CSNK1G1: variants seen among roughly 807,000 people sequenced by gnomAD.
CSNK1G1 encodes the protein casein kinase 1 gamma 1.
CSNK1G1 carries 22 observed loss-of-function variants against 59.6 expected under a neutral mutation model. That is an observed-to-expected ratio of 0.37 (90% CI 0.26 to 0.53). The LOEUF is 0.53. CSNK1G1 is among the 20% of genes least tolerant of loss of function. CSNK1G1 has a pLI of 0.89. For synonymous variants in CSNK1G1, 179 were observed against 177.1 expected (o/e 1.01, Z -0.08); for missense variants, 384 against 519.5 (o/e 0.74, Z 2.54).
chr15:64,266,134 C>T (rs1174794095), intron 2 of CSNK1G1, among the ~76,000 whole-genome samples: 1 of 152,004 alleles, frequency 6.6e-6, no homozygotes, highest in Non-Finnish European at 1.5e-5. Context: ...ACGATCTCGG[C>T]TCAATGCAAA....
chr15:64,276,085 G>T (rs1395465256), intron 2 of CSNK1G1, among the ~76,000 whole-genome samples: 1 of 152,150 alleles, frequency 6.6e-6, no homozygotes, highest in Non-Finnish European at 1.5e-5. Flanking sequence ...GTGAGGCTAC[G>T]TGGAGTGAGG....
Position 64,300,171 on chromosome 15 carries a change from T to C in CSNK1G1, c.181+148A>G, listed in dbSNP as rs1895249665. 3.5e-5 allele frequency: 25 copies of C among 709,934 alleles called. No individual in the cohort carries two copies. In the South Asian group the frequency reaches 4.0e-4, roughly 11 times the overall value. 44.0% of individuals were successfully genotyped at this position (709,934 alleles called of 1,614,324 possible). A position where few individuals can be genotyped will look rare whatever the true frequency, so the allele number is the denominator to read the frequency against. Reference sequence around the variant, plus strand: ...GATAACAAATAATTGATAATGACTATAGTGCCCCTTCACAAATTATTTCTT... The same window carrying C: ...GATAACAAATAATTGATAATGACTACAGTGCCCCTTCACAAATTATTTCTT... On this transcript the variant is annotated intron_variant, in intron 2 of 11. Transcript: ENST00000303052.
At chr15:64,282,427 G>A (rs1175433601) in intron 2 of CSNK1G1, among the ~76,000 whole-genome samples, 6 of 151,920 alleles carry the variant, frequency 3.9e-5, no homozygotes, top group Non-Finnish European at 7.4e-5. Flanking sequence ...ACCATGCCTG[G>A]TTAATTTTTA....
chr15:64,239,102 A>T (rs1045217972), intron 4 of CSNK1G1, among the ~76,000 whole-genome samples: 2 of 152,184 alleles, frequency 1.3e-5, no homozygotes, highest in African/African-American at 4.8e-5. Flanking sequence ...CAGATTCATC[A>T]CACTCTTCCC....
In CSNK1G1 at chr15:64,165,894, T is replaced by C; in HGVS notation, c.*6037A>G. 1 of 506,470 alleles carries C rather than the reference T, an allele frequency of 2.0e-6. No individual in the cohort carries two copies. The highest frequency in any genetic ancestry group is 3.5e-6 in the Non-Finnish European group (1 of 287,508). The allele number at this position is 506,470 out of a possible 1,614,324, so 31.4% of individuals were successfully genotyped here. On this transcript the variant is annotated 3_prime_UTR_variant, in exon 12 of 12. Transcript: ENST00000303052. ...CTGAGATCACATATCAGAACCCATT[T>C]TCCATTTTCTCCAAAGAAGGCTACT...
At chr15:64,333,925 G>C (rs1897247320) in intron 1 of CSNK1G1, among the ~76,000 whole-genome samples, 1 of 152,024 alleles carries the variant, frequency 6.6e-6, no homozygotes, top group African/African-American at 2.4e-5. Flanking sequence ...CCTAAGAAAA[G>C]ACAGAGACAG....
In CSNK1G1 at chr15:64,322,351, C is replaced by CT. The variant is rs1033331079; in HGVS notation, c.-224-21629dup. Among the ~76,000 whole-genome samples, 5 of 149,454 alleles carry CT rather than the reference C, an allele frequency of 3.3e-5. No individual in the cohort carries two copies. The East Asian group carries it at 6.0e-4, about 18-fold the overall frequency. On this transcript the variant is annotated intron_variant, in intron 1 of 11. Coordinates refer to ENST00000303052, the MANE Select transcript of CSNK1G1 (RefSeq NM_022048.5). ...GCAAAACAAGTTTTCTTTTCTCTCT[C>CT]TTTTTTTTTTAAATACAGACACGGT...
rs528353731 is a variant in CSNK1G1, at chr15:64,287,362, G to T, written c.181+12957C>A. Among the ~76,000 whole-genome samples, 5 of 152,168 alleles carry T rather than the reference G, an allele frequency of 3.3e-5. No individual in the cohort carries two copies. In the South Asian group the frequency reaches 1.0e-3, roughly 32 times the overall value. Reference sequence around the variant, plus strand: ...TACCATAAACTTTTGGGAAGCCTGGGACCATTCTTGTCTCATTCTAAACTT... The same window carrying T: ...TACCATAAACTTTTGGGAAGCCTGGTACCATTCTTGTCTCATTCTAAACTT... On this transcript the variant is annotated intron_variant, in intron 2 of 11. Coordinates refer to ENST00000303052, the MANE Select transcript of CSNK1G1 (RefSeq NM_022048.5).
chr15:64,239,005 G>A (rs752781554), intron 4 of CSNK1G1, among the ~76,000 whole-genome samples: 1 of 152,104 alleles, frequency 6.6e-6, no homozygotes, highest in African/African-American at 2.4e-5. Context: ...CTATACCCTA[G>A]GCCACTAAGG....
intron 3 of CSNK1G1, among the ~76,000 whole-genome samples, chr15:64,256,282 C>T (rs561714507): frequency 6.6e-6 from 1 of 152,262 alleles, no homozygotes; most frequent in South Asian, 2.1e-4. Context: ...TTTTAAAAAC[C>T]ACACATCCTT....
chr15:64,269,433 T>C (rs1387773547), intron 2 of CSNK1G1, among the ~76,000 whole-genome samples: 2 of 152,072 alleles, frequency 1.3e-5, no homozygotes, highest in South Asian at 4.1e-4. Context: ...AATTTATGTA[T>C]CCCTTCTAGG....
At position 64,300,335 on chromosome 15, in the gene CSNK1G1, G is replaced by A. The variant is rs762721143; in HGVS notation, c.165C>T (p.Phe55=). Residue 55 remains phenylalanine, a synonymous_variant, in exon 2 of 12, where the codon TTC becomes TTT. Coordinates refer to ENST00000303052, the MANE Select transcript of CSNK1G1 (RefSeq NM_022048.5). ...AGTGCTTACCTAATCTGAGCTCTCC[G>A]AAGTTCCCACATCCTATCTTCTTGC... ...RVGKKIGCGN[F]GELRLGKNLY... 5.0e-6 allele frequency: 8 copies of A among 1,613,970 alleles called. No individual in the cohort carries two copies. The African/African-American group carries it at 6.7e-5, about 13-fold the overall frequency.
At chr15:64,259,266 G>GT in intron 2 of CSNK1G1, 25 bp from the exon 3 acceptor site, 1 of 1,553,882 alleles carries the variant, frequency 6.4e-7, no homozygotes, top group Non-Finnish European at 8.8e-7. Flanking sequence ...GAATGTATAT[G>GT]TTTTAGTGAC....
chr15:64,307,256 G>C (rs948611634), intron 1 of CSNK1G1, among the ~76,000 whole-genome samples: 4 of 151,478 alleles, frequency 2.6e-5, no homozygotes, highest in African/African-American at 9.7e-5. Context: ...GGGGGATATA[G>C]GGGAACTCTG....
At position 64,166,624 on chromosome 15, in the gene CSNK1G1, T is replaced by C. The variant is rs1317424723; in HGVS notation, c.*5307A>G. 2.0e-5 allele frequency: 3 copies of C among 152,714 alleles called. No individual in the cohort carries two copies. Among genetic ancestry groups the C allele is most frequent in the African/African-American group, 7.2e-5 (3 of 41,452 alleles). The allele number at this position is 152,714 out of a possible 1,614,324, so 9.5% of individuals were successfully genotyped here. ...GTAAATATATTTCTCCCCAAAGAAA[T>C]GGCTCATCTTTCCTGAGACATTCCT... On this transcript the variant is annotated 3_prime_UTR_variant, in exon 12 of 12. Coordinates refer to ENST00000303052, the MANE Select transcript of CSNK1G1 (RefSeq NM_022048.5). This position sits in a 1 kb window ranked among gnomAD's most constrained non-coding sequence, Gnocchi z 4.5.
intron 2 of CSNK1G1, among the ~76,000 whole-genome samples, chr15:64,278,542 C>A (rs1893928945): frequency 6.6e-6 from 1 of 151,770 alleles, no homozygotes; most frequent in African/African-American, 2.4e-5. Flanking sequence ...GATTCGCCTG[C>A]CTTAGCCTTC....
chr15:64,218,454 G>A (rs1042723056), intron 4 of CSNK1G1, among the ~76,000 whole-genome samples: 3 of 150,976 alleles, frequency 2.0e-5, no homozygotes, highest in African/African-American at 4.9e-5. Flanking sequence ...GTATAGTGGC[G>A]CAATCTTGGC....
intron 1 of CSNK1G1, among the ~76,000 whole-genome samples, chr15:64,323,458 T>C (rs1261096389): frequency 6.6e-6 from 1 of 151,982 alleles, no homozygotes; most frequent in South Asian, 2.1e-4. Context: ...CTCTGCCTCC[T>C]GGGTACAAGC....
At chr15:64,353,675 G>C (rs2082964322) in intron 1 of CSNK1G1, among the ~76,000 whole-genome samples, 1 of 149,206 alleles carries the variant, frequency 6.7e-6, no homozygotes, top group South Asian at 2.1e-4. Context: ...GAAAGAAAAA[G>C]ACTTCATGGG....
Sources: gnomAD v4.1 joint callset for allele counts (sites outside exome capture counted in the v4.1 genomes callset) on GRCh38, gnomAD v4.1.1 for gene constraint, Gnocchi (gnomAD v3.1) non-coding constraint, MANE v1.5 for transcripts, NCBI Gene and HGNC (gene_info 2026-07-23, HGNC 2026-07-21) for gene names.